Variants in MCRIP1 observed in about 807,000 individuals in gnomAD.
The protein encoded by MCRIP1 is MAPK regulated corepressor interacting protein 1.
Under a neutral mutation model 14.4 loss-of-function variants are expected in MCRIP1, and 10 were observed. The observed-to-expected ratio is 0.70, with a 90% CI of 0.43 to 1.18. The LOEUF is 1.18. Among genes scored for constraint, MCRIP1 ranks in the 50% most tolerant of loss-of-function variants. The pLI, the probability that MCRIP1 is intolerant of heterozygous loss-of-function variation, is 0.00. For missense variants in MCRIP1, 119 were observed against 135.4 expected (o/e 0.88, Z 0.60); for synonymous variants, 53 against 55.7 (o/e 0.95, Z 0.21).
chr17:81,830,871 A>C (rs1480778253), intron 1 of MCRIP1, among the ~76,000 whole-genome samples: 1 of 151,514 alleles, frequency 6.6e-6, no homozygotes, highest in Non-Finnish European at 1.5e-5. Flanking sequence ...AAAAAAAAAA[A>C]ATACAAAAAT....
At chr17:81,830,992 AC>A (rs978752461) in intron 1 of MCRIP1, among the ~76,000 whole-genome samples, 1 of 151,698 alleles carries the variant, frequency 6.6e-6, no homozygotes, top group Non-Finnish European at 1.5e-5. Flanking sequence ...ATACAGTGAA[AC>A]CCCATCTCTA....
At chr17:81,826,240 C>G (rs2038392954) in intron 1 of MCRIP1, 1 of 1,531,368 alleles carries the variant, frequency 6.5e-7, no homozygotes, top group Admixed American at 2.0e-5. Flanking sequence ...CACACACACA[C>G]ACACACACCT....
At position 81,823,143 on chromosome 17, in the gene MCRIP1, G is replaced by C. The variant is rs1037968553; in HGVS notation, c.*104C>G. The C allele has an allele frequency of 9.0e-7, 1 of 1,112,242 alleles. No homozygotes were observed. Among genetic ancestry groups the C allele is most frequent in the East Asian group, 2.6e-5 (1 of 38,892 alleles). The allele number at this position is 1,112,242 out of a possible 1,614,324, so 68.9% of individuals were successfully genotyped here. On this transcript the variant is annotated 3_prime_UTR_variant, in exon 5 of 5. Coordinates refer to ENST00000455127, the MANE Select transcript of MCRIP1 (RefSeq NM_207368.5). The surrounding 1 kb of genome is among the most constrained non-coding windows in gnomAD (Gnocchi z 6.0). Reference sequence around the variant, plus strand: ...ACGCCAGTGCTGGGATCTGCAGCCCGCTGGAGCAAGGCACCCCCATCCCAG... The same window carrying C: ...ACGCCAGTGCTGGGATCTGCAGCCCCCTGGAGCAAGGCACCCCCATCCCAG...
chr17:81,832,384 C>A (rs963122067), intron 1 of MCRIP1, among the ~76,000 whole-genome samples: 1 of 152,116 alleles, frequency 6.6e-6, no homozygotes, highest in Non-Finnish European at 1.5e-5. Context: ...CGCCCTCCTC[C>A]CCATCCTGAT....
Position 81,822,669 on chromosome 17 carries a change from C to T in MCRIP1, c.*578G>A, listed in dbSNP as rs2038288825. ...GGGGGGCCCGGCAGTATCCTAGGCCCAAAGAGCTGGTGCCATCTTGAAGCT... is the reference window on the plus strand; with the variant it reads ...GGGGGGCCCGGCAGTATCCTAGGCCTAAAGAGCTGGTGCCATCTTGAAGCT... On this transcript the variant is annotated 3_prime_UTR_variant, in exon 5 of 5. Transcript: ENST00000455127. 6.3e-6 allele frequency: 1 copy of T among 158,050 alleles called. No individual in the cohort carries two copies. Among genetic ancestry groups the T allele is most frequent in the Non-Finnish European group, 1.4e-5 (1 of 71,650 alleles). The allele number at this position is 158,050 out of a possible 1,614,324, so 9.8% of individuals were successfully genotyped here. A position where few individuals can be genotyped will look rare whatever the true frequency, so the allele number is the denominator to read the frequency against.
At chr17:81,826,219 T>TTG (rs1567825535) in intron 1 of MCRIP1, 1 of 1,522,768 alleles carries the variant, frequency 6.6e-7, no homozygotes, top group Admixed American at 2.0e-5. Flanking sequence ...TCCCTTTGCC[T>TTG]TGTGTGCACA....
intron 1 of MCRIP1, among the ~76,000 whole-genome samples, chr17:81,832,342 CT>C (rs1489713170): frequency 2.0e-5 from 3 of 152,196 alleles, no homozygotes; most frequent in African/African-American, 4.8e-5. Flanking sequence ...ACCCTCTCCC[CT>C]GGGTGGTGGC....
rs1415379505 is a variant in MCRIP1 at position 81,823,394 on chromosome 17, A to C, written c.229+18T>G. On this transcript the variant is annotated intron_variant, in intron 4 of 4. Coordinates refer to ENST00000455127, the MANE Select transcript of MCRIP1 (RefSeq NM_207368.5). This position sits in a 1 kb window ranked among gnomAD's most constrained non-coding sequence, Gnocchi z 6.0. ...GGCCTGCCGGCCCAGCCCTGCCCCC[A>C]GGTCAGCCCCCACTCACTCTTCAGG... 1 of 1,535,730 alleles carries C rather than the reference A, an allele frequency of 6.5e-7. No homozygotes were observed. Among genetic ancestry groups the C allele is most frequent in the African/African-American group, 1.4e-5 (1 of 72,894 alleles).
At chr17:81,832,024 A>C (rs1280098148) in intron 1 of MCRIP1, among the ~76,000 whole-genome samples, 4 of 152,018 alleles carry the variant, frequency 2.6e-5, no homozygotes, top group African/African-American at 7.3e-5. Flanking sequence ...TCTTTCCCCC[A>C]CACAGCCACA....
intron 1 of MCRIP1, among the ~76,000 whole-genome samples, chr17:81,828,890 G>A (rs753492697): frequency 6.6e-6 from 1 of 152,260 alleles, no homozygotes; most frequent in Non-Finnish European, 1.5e-5. Flanking sequence ...CCTCAGCGGG[G>A]CGGCCTAGCA....
rs561838235 is a variant in MCRIP1, at chr17:81,824,291, G to A, written c.123C>T (p.Tyr41=). 2.0e-4 allele frequency: 306 copies of A among 1,535,292 alleles called. 1 individual carries two copies. The South Asian group carries it at 3.4e-3, about 17-fold the overall frequency. ...PAHEENVRFI[Y]EAWQGVERDL... ...GTGTGTGGCAGGCGCACCCACCTTCGTAAATGAAGCGGACGTTCTCCTCGT... is the reference window on the plus strand; with the variant it reads ...GTGTGTGGCAGGCGCACCCACCTTCATAAATGAAGCGGACGTTCTCCTCGT... The change falls in exon 3 of 5, where the codon TAC becomes TAT. Residue 41 remains tyrosine, a synonymous_variant. Coordinates refer to ENST00000455127, the MANE Select transcript of MCRIP1 (RefSeq NM_207368.5).
At chr17:81,833,053 C>T (rs1361892779) in intron 1 of MCRIP1, among the ~76,000 whole-genome samples, 185 bp downstream of exon 1, 1 of 150,484 alleles carries the variant, frequency 6.6e-6, no homozygotes, top group Non-Finnish European at 1.5e-5. Context: ...CCGCGCCCTC[C>T]TGCAGGTGCC....
intron 1 of MCRIP1, among the ~76,000 whole-genome samples, chr17:81,828,676 G>C (rs937576054): frequency 6.6e-6 from 1 of 152,154 alleles, no homozygotes; most frequent in Non-Finnish European, 1.5e-5. Context: ...CCAAGCACAA[G>C]AGCAGGACCT....
chr17:81,824,242 T>C, intron 3 of MCRIP1, 45 bp downstream of exon 3: 1 of 1,458,704 alleles, frequency 6.9e-7, no homozygotes, highest in Non-Finnish European at 9.3e-7. Flanking sequence ...CAGAGCTGAC[T>C]CCGTCAAGGA....
At chr17:81,829,683 C>G (rs977366446) in intron 1 of MCRIP1, among the ~76,000 whole-genome samples, 3 of 152,200 alleles carry the variant, frequency 2.0e-5, no homozygotes, top group Non-Finnish European at 4.4e-5. Flanking sequence ...CTCGATGACA[C>G]TCTCCTGGCC....
intron 1 of MCRIP1, chr17:81,824,813 C>T (rs977152809): frequency 6.1e-5 from 83 of 1,362,174 alleles, no homozygotes; most frequent in Non-Finnish European, 7.6e-5. Context: ...GCCCGCTCAG[C>T]GGCCTTGATC....
At chr17:81,825,396 A>C (rs2143215572) in intron 1 of MCRIP1, 1 of 1,188,962 alleles carries the variant, frequency 8.4e-7, no homozygotes, top group Non-Finnish European at 1.1e-6. Flanking sequence ...GCTGGTCTCC[A>C]GCCTGCCCTG....
intron 1 of MCRIP1, chr17:81,825,534 C>T (rs1567824975): frequency 7.8e-7 from 1 of 1,277,728 alleles, no homozygotes. Flanking sequence ...GGGCACACGG[C>T]TGCAGCCCTC....
rs2038309412 is a variant in MCRIP1 at position 81,823,252 on chromosome 17, ACTT to A, written c.286_288del (p.Lys96del). On this transcript the variant is annotated inframe_deletion, in exon 5 of 5. Coordinates refer to ENST00000455127, the MANE Select transcript of MCRIP1 (RefSeq NM_207368.5). The surrounding 1 kb of genome is among the most constrained non-coding windows in gnomAD (Gnocchi z 6.0). ...GGGGAGGGGCACCGGGCGCTCTAGGACTTCTTGGCATCCTGCGTGCTCCGGCGC... is the reference window on the plus strand; with the variant it reads ...GGGGAGGGGCACCGGGCGCTCTAGGACTTGGCATCCTGCGTGCTCCGGCGC... 1 of 1,536,604 alleles carries A rather than the reference ACTT, an allele frequency of 6.5e-7. No individual in the cohort carries two copies. The highest frequency in any genetic ancestry group is 8.7e-7 in the Non-Finnish European group (1 of 1,146,752).
Sources: allele counts gnomAD v4.1 joint callset (sites outside exome capture counted in the v4.1 genomes callset), GRCh38; gene constraint gnomAD v4.1.1; non-coding constraint Gnocchi (gnomAD v3.1); transcripts MANE v1.5; gene names NCBI Gene and HGNC (gene_info 2026-07-23, HGNC 2026-07-21).